The following CNTNAP4 variants were observed in gnomAD, a reference collection of about 807,000 sequenced individuals.
The protein encoded by CNTNAP4 is contactin associated protein family member 4.
CNTNAP4 carries 98 observed loss-of-function variants against 148.4 expected under a neutral mutation model. That is an observed-to-expected ratio of 0.66 (90% CI 0.56 to 0.78). The LOEUF is 0.78. Ranked by LOEUF, CNTNAP4 falls within the 30% of genes least tolerant of loss-of-function variation. The pLI is 0.00. For missense variants in CNTNAP4, 1,935 were observed against 1,565.6 expected (o/e 1.24, Z -3.98); for synonymous variants, 730 against 565.1 (o/e 1.29, Z -4.14).
At chr16:76,481,604 T>C (rs537876313) in intron 12 of CNTNAP4, among the ~76,000 whole-genome samples, 18 of 152,218 alleles carry the variant, frequency 1.2e-4, no homozygotes, top group African/African-American at 4.3e-4. Context: ...GAGTGTATCA[T>C]TGTAGATGTA....
chr16:76,321,487 T>C (rs1324178451), intron 2 of CNTNAP4, among the ~76,000 whole-genome samples: 2 of 152,190 alleles, frequency 1.3e-5, no homozygotes, highest in Admixed American at 6.5e-5. Flanking sequence ...AAACGTATTA[T>C]ATTTTTTAAA....
intron 12 of CNTNAP4, among the ~76,000 whole-genome samples, chr16:76,488,172 T>C (rs1200100091): frequency 6.6e-6 from 1 of 152,154 alleles, no homozygotes; most frequent in African/African-American, 2.4e-5. Context: ...GTTCTGCCAA[T>C]TTAATTTCCA....
chr16:76,377,197 C>A lies in CNTNAP4; in HGVS notation c.390+21686C>A, dbSNP rs533439819. The stretch of plus-strand genomic sequence containing the variant: ...CTTCAACTGATTAGATGAGGCCCAC[C>A]CATACTATGAAGATAATTTGCTTTA... On this transcript the variant is annotated intron_variant, in intron 3 of 23. Transcript: ENST00000611870. Among the ~76,000 whole-genome samples the A allele has an allele frequency of 8.1e-4, 123 of 152,010 alleles. 1 individual carries two copies. Among genetic ancestry groups the A allele is most frequent in the African/African-American group, 2.8e-3 (116 of 41,458 alleles).
chr16:76,484,395 G>A (rs543090431), intron 12 of CNTNAP4, among the ~76,000 whole-genome samples: 5 of 151,666 alleles, frequency 3.3e-5, no homozygotes, highest in South Asian at 4.2e-4. Flanking sequence ...TTAAAGCCAC[G>A]TGGATAGCAA....
intron 3 of CNTNAP4, among the ~76,000 whole-genome samples, chr16:76,403,275 A>G (rs962172079): frequency 7.2e-5 from 11 of 151,952 alleles, no homozygotes; most frequent in Non-Finnish European, 1.5e-4. Flanking sequence ...TTGTATTTTT[A>G]GTAGAGATGG....
At chr16:76,490,906 C>T (rs746742649) in intron 13 of CNTNAP4, among the ~76,000 whole-genome samples, 4 of 152,130 alleles carry the variant, frequency 2.6e-5, no homozygotes, top group Non-Finnish European at 5.9e-5. Flanking sequence ...TTCATGTTCA[C>T]TCCTGCTTGT....
intron 15 of CNTNAP4, among the ~76,000 whole-genome samples, chr16:76,517,606 A>T (rs1005176653): frequency 6.6e-6 from 1 of 152,244 alleles, no homozygotes; most frequent in African/African-American, 2.4e-5. Context: ...TAAAAGTACA[A>T]TGTATTACCT....
intron 11 of CNTNAP4, among the ~76,000 whole-genome samples, chr16:76,477,680 C>T (rs1381598594): frequency 1.3e-5 from 2 of 152,146 alleles, no homozygotes; most frequent in East Asian, 1.9e-4. Flanking sequence ...AGCCACACCT[C>T]ACCTGTACTT....
chr16:76,439,706 A>G (rs1298411418), intron 4 of CNTNAP4, among the ~76,000 whole-genome samples: 1 of 152,142 alleles, frequency 6.6e-6, no homozygotes, highest in Non-Finnish European at 1.5e-5. Flanking sequence ...TCTATTTAAA[A>G]AGATAATAAG....
At chr16:76,535,459 T>A in intron 17 of CNTNAP4, 86 bp from the exon 18 acceptor site, 1 of 1,440,900 alleles carries the variant, frequency 6.9e-7, no homozygotes, top group Non-Finnish European at 9.3e-7. Context: ...TTTGCCGTTC[T>A]CTGTAAGGCC....
intron 1 of CNTNAP4, among the ~76,000 whole-genome samples, chr16:76,299,214 A>C (rs904472773): frequency 1.8e-4 from 27 of 152,214 alleles, no homozygotes; most frequent in African/African-American, 4.8e-4. Flanking sequence ...AACAGGCAAC[A>C]TACAGAATGG....
At position 76,456,363 on chromosome 16, in the gene CNTNAP4, T is replaced by C. The variant is rs112444100; in HGVS notation, c.1333+3594T>C. On this transcript the variant is annotated intron_variant, in intron 8 of 23. Transcript: ENST00000611870. ...AGGGTAATTCTATGATTAAATATCT[T>C]TGTAAACCTTATCTAGAAGGATGAA... Among the ~76,000 whole-genome samples, 1,256 of 152,348 alleles carry C rather than the reference T, an allele frequency of 8.2e-3. 9 individuals are homozygous for C. Among genetic ancestry groups the C allele is most frequent in the Non-Finnish European group, 0.012 (838 of 68,020 alleles).
Position 76,321,066 on chromosome 16 carries a change from A to AT in CNTNAP4, c.196+4546dup, listed in dbSNP as rs374639937. 5.7e-3 allele frequency among the ~76,000 whole-genome samples: 862 copies of AT among 152,284 alleles called. 4 individuals are homozygous for AT. Among genetic ancestry groups the AT allele is most frequent in the African/African-American group, 0.015 (607 of 41,574 alleles). ...AAATTGGATATTTGTCTATCATAAT[A>AT]TTTCCTGATGTTAAAAATTGGATAT... On this transcript the variant is annotated intron_variant, in intron 2 of 23. Transcript: ENST00000611870.
chr16:76,363,012 G>A (rs2013627931), intron 3 of CNTNAP4, among the ~76,000 whole-genome samples: 2 of 151,174 alleles, frequency 1.3e-5, no homozygotes, highest in East Asian at 1.9e-4. Flanking sequence ...TTTGAGGCCA[G>A]GAGTTCAAGA....
At chr16:76,287,136 G>A (rs776655226) in intron 1 of CNTNAP4, among the ~76,000 whole-genome samples, 14 of 152,098 alleles carry the variant, frequency 9.2e-5, no homozygotes, top group Non-Finnish European at 2.1e-4. Flanking sequence ...ACAAAAAATA[G>A]CAATAATTTG....
intron 2 of CNTNAP4, among the ~76,000 whole-genome samples, chr16:76,333,062 A>G (rs537473800): frequency 6.6e-6 from 1 of 152,330 alleles, no homozygotes; most frequent in Admixed American, 6.5e-5. Flanking sequence ...TCATAAAGGA[A>G]GTTAAACTAT....
At chr16:76,399,041 A>G (rs1227149863) in intron 3 of CNTNAP4, among the ~76,000 whole-genome samples, 3 of 151,962 alleles carry the variant, frequency 2.0e-5, no homozygotes, top group East Asian at 3.9e-4. Context: ...ATAAATTGGA[A>G]TTCCCCTGCG....
At position 76,319,627 on chromosome 16, in the gene CNTNAP4, A is replaced by G. The variant is rs371697162; in HGVS notation, c.196+3104A>G. 2.7e-4 allele frequency among the ~76,000 whole-genome samples: 41 copies of G among 152,264 alleles called. No individual in the cohort carries two copies. The South Asian group carries it at 7.7e-3, about 28-fold the overall frequency. Reference sequence around the variant, plus strand: ...GATTAAGGGGTGGGGGGCTAAATCCAATGACTGGTGTCCTTATAAGGAGTG... The same window carrying G: ...GATTAAGGGGTGGGGGGCTAAATCCGATGACTGGTGTCCTTATAAGGAGTG... On this transcript the variant is annotated intron_variant, in intron 2 of 23. Coordinates refer to ENST00000611870, the MANE Select transcript of CNTNAP4 (RefSeq NM_033401.5).
intron 8 of CNTNAP4, among the ~76,000 whole-genome samples, chr16:76,460,743 AC>A (rs1457100549): frequency 9.3e-6 from 1 of 107,696 alleles, no homozygotes; most frequent in Non-Finnish European, 1.8e-5. Context: ...ACAGAGCCAG[AC>A]TCATGTCTCA....
Sources: allele counts gnomAD v4.1 joint callset (sites outside exome capture counted in the v4.1 genomes callset), GRCh38; gene constraint gnomAD v4.1.1; transcripts MANE v1.5; gene names NCBI Gene and HGNC (gene_info 2026-07-23, HGNC 2026-07-21).